The following ZNF652 variants were observed in gnomAD, a reference collection of about 807,000 sequenced individuals.
ZNF652 encodes the protein zinc finger protein 652.
A neutral mutation model predicts 45.2 loss-of-function variants in ZNF652; 16 were observed. The observed-to-expected ratio is 0.35, with a 90% CI of 0.24 to 0.54. The LOEUF is 0.54. Ranked by LOEUF, ZNF652 falls within the 20% of genes least tolerant of loss-of-function variation. The pLI is 0.91. For missense variants in ZNF652, 614 were observed against 765.6 expected, an observed-to-expected ratio of 0.80 and a Z score of 2.34; for synonymous variants, 250 against 260.6, an observed-to-expected ratio of 0.96 and a Z score of 0.39.
intron 5 of ZNF652, among the ~76,000 whole-genome samples, chr17:49,305,160 G>A (rs967551301): frequency 6.6e-6 from 1 of 151,924 alleles, no homozygotes; most frequent in Non-Finnish European, 1.5e-5. Flanking sequence ...TGATACTACT[G>A]ATATCCAATC....
chr17:49,302,703 T>G (rs1484456448), intron 5 of ZNF652, among the ~76,000 whole-genome samples: 1 of 152,168 alleles, frequency 6.6e-6, no homozygotes, highest in African/African-American at 2.4e-5. Context: ...GGCTCATGCC[T>G]GTAATCCCAG....
intron 1 of ZNF652, among the ~76,000 whole-genome samples, chr17:49,318,358 G>A (rs1251820041): frequency 2.0e-5 from 3 of 152,156 alleles, no homozygotes; most frequent in South Asian, 2.1e-4. Flanking sequence ...TTACAAGCAT[G>A]AGCCACCACG....
intron 1 of ZNF652, among the ~76,000 whole-genome samples, chr17:49,328,295 T>G (rs2411983): frequency 0.78 from 118,265 of 151,578 alleles, 46,334 homozygotes; most frequent in African/African-American, 0.85. Context: ...GATGGAGAAG[T>G]GGGAAGGTAA....
chr17:49,335,282 T>G (rs1043334999), intron 1 of ZNF652, among the ~76,000 whole-genome samples: 2 of 152,202 alleles, frequency 1.3e-5, no homozygotes, highest in African/African-American at 4.8e-5. Flanking sequence ...CTGGTCACAG[T>G]GCTGAGAATC....
rs752751225 is a variant in ZNF652, at chr17:49,342,885, A to AT, written c.-259+19023dup. Among the ~76,000 whole-genome samples, 1,018 of 142,056 alleles carry AT rather than the reference A, an allele frequency of 7.2e-3. 7 individuals are homozygous for AT. The highest frequency in any genetic ancestry group is 0.017 in the African/African-American group (671 of 38,860). The allele number at this position is 142,056 out of a possible 152,430, so 93.2% of individuals were successfully genotyped here. Reference sequence around the variant, plus strand: ...TATACAAAGGTTTTTTCCACATAGAATTTTTTTTTTTTTTTTGGCAGACTC... The same window carrying AT: ...TATACAAAGGTTTTTTCCACATAGAATTTTTTTTTTTTTTTTTGGCAGACTC... On this transcript the variant is annotated intron_variant, in intron 1 of 5. Transcript: ENST00000430262.
Position 49,298,581 on chromosome 17 carries a change from G to T in ZNF652, c.1653C>A (p.His551Gln). ...GTGGGTGGTGAGGGTGTGGGTGGAT[G>T]TGCAGGTGTGAGAAGGGGTGGGGGA... is the stretch of plus-strand genomic sequence containing the variant. ...RPIPHPFSHL[H>Q]IHPHPHHPHH... is the part of the protein sequence containing the mutation. The change falls in exon 6 of 6, where the codon CAC becomes CAA. Residue 551 changes from histidine (H) to glutamine (Q), a missense_variant. His to Gln is a conservative substitution (Grantham distance 24). Coordinates refer to ENST00000430262, the MANE Select transcript of ZNF652 (RefSeq NM_001145365.3). 1 of 1,611,768 alleles carries T rather than the reference G, an allele frequency of 6.2e-7. No homozygotes were observed. Among genetic ancestry groups the T allele is most frequent in the Non-Finnish European group, 8.5e-7 (1 of 1,179,076 alleles).
At chr17:49,338,332 T>A (rs192891413) in intron 1 of ZNF652, among the ~76,000 whole-genome samples, 1 of 152,276 alleles carries the variant, frequency 6.6e-6, no homozygotes, top group Admixed American at 6.5e-5. Flanking sequence ...CAACACCTTC[T>A]GCTAGATGTC....
At chr17:49,353,144 G>GT (rs1408861064) in intron 1 of ZNF652, among the ~76,000 whole-genome samples, 3 of 152,084 alleles carry the variant, frequency 2.0e-5, no homozygotes, top group Non-Finnish European at 4.4e-5. Flanking sequence ...TATTTACTCA[G>GT]TCTCTGGTTT....
chr17:49,324,734 C>CTTTTT (rs1185007907), intron 1 of ZNF652, among the ~76,000 whole-genome samples: 2 of 96,240 alleles, frequency 2.1e-5, no homozygotes, highest in African/African-American at 4.5e-5. Flanking sequence ...TGGGGTAGCA[C>CTTTTT]TTTTTTTTTT....
Position 49,292,172 on chromosome 17 carries a change from C to T in ZNF652, c.*6241G>A, listed in dbSNP as rs114991573. Among the ~76,000 whole-genome samples, 344 of 151,998 alleles carry T rather than the reference C, an allele frequency of 2.3e-3. 2 individuals are homozygous for T. The highest frequency in any genetic ancestry group is 7.8e-3 in the African/African-American group (322 of 41,500). On this transcript the variant is annotated 3_prime_UTR_variant, in exon 6 of 6. Transcript: ENST00000430262. ...AAATGCTCAACTCCAAGCTTTCATT[C>T]ACCTAAAAAAATGCAATCAAATCTC...
chr17:49,311,608 T>C, intron 4 of ZNF652, 152 bp from the exon 5 acceptor site: 1 of 855,670 alleles, frequency 1.2e-6, no homozygotes, highest in Non-Finnish European at 1.7e-6. Flanking sequence ...TTTCTGCAGG[T>C]GAGTTACTAA....
At chr17:49,307,751 CA>C (rs1236481689) in intron 5 of ZNF652, among the ~76,000 whole-genome samples, 3 of 151,866 alleles carry the variant, frequency 2.0e-5, no homozygotes, top group Non-Finnish European at 4.4e-5. Flanking sequence ...GACTCCATCT[CA>C]AAACAAACAA....
intron 1 of ZNF652, among the ~76,000 whole-genome samples, chr17:49,333,545 TAAAAAAAAAAA>T (rs1182199037): frequency 2.1e-5 from 1 of 48,114 alleles, no homozygotes; most frequent in African/African-American, 9.7e-5. Context: ...CTGTCTCTAC[TAAAAAAAAAAA>T]AAAAAAAAAA....
At chr17:49,347,744 T>TG (rs1239364776) in intron 1 of ZNF652, among the ~76,000 whole-genome samples, 4 of 135,442 alleles carry the variant, frequency 3.0e-5, no homozygotes, top group Admixed American at 7.2e-5. Context: ...GGTTTTGTTT[T>TG]TTTTTTTTTT....
chr17:49,313,120 T>TA (rs1370459219), intron 2 of ZNF652, among the ~76,000 whole-genome samples: 9 of 152,190 alleles, frequency 5.9e-5, no homozygotes, highest in Admixed American at 1.3e-4. Flanking sequence ...TCACTGCTAT[T>TA]ATGAAGTTAG....
intron 2 of ZNF652, among the ~76,000 whole-genome samples, chr17:49,315,744 C>A (rs2069794208): frequency 6.6e-6 from 1 of 152,182 alleles, no homozygotes; most frequent in Non-Finnish European, 1.5e-5. Flanking sequence ...GATATGGGCT[C>A]CATGACTCAG....
chr17:49,317,055 T>C lies in ZNF652; in HGVS notation c.671A>G (p.Lys224Arg). The change falls in exon 2 of 6, where the codon AAG (lysine) becomes AGG (arginine). Residue 224 changes from lysine to arginine, a missense_variant. By Grantham distance (26) the Lys-to-Arg change is conservative. Transcript: ENST00000430262. ...TGCTTTGGGCTCCTTTGTGGCCCGC[T>C]TCTTACGCTTAGGTGGCTCTACACT... is the stretch of plus-strand genomic sequence containing the variant. Reference protein sequence around the residue: ...RKSVEPPKRKKRATKEPKAPV... With the variant: ...RKSVEPPKRKRRATKEPKAPV... 6.2e-7 allele frequency: 1 copy of C among 1,614,108 alleles called. No homozygotes were observed. The highest frequency in any genetic ancestry group is 8.5e-7 in the Non-Finnish European group (1 of 1,180,024).
chr17:49,309,519 A>G (rs538421049), intron 5 of ZNF652, among the ~76,000 whole-genome samples: 47 of 151,584 alleles, frequency 3.1e-4, no homozygotes, highest in African/African-American at 9.9e-4. Context: ...GAAAAAAAAA[A>G]AAAGAAAGAA....
At chr17:49,347,722 A>AAATTG (rs1200381985) in intron 1 of ZNF652, among the ~76,000 whole-genome samples, 1 of 149,452 alleles carries the variant, frequency 6.7e-6, no homozygotes, top group Non-Finnish European at 1.5e-5. Context: ...CCTGCAAGAA[A>AAATTG]AATTGAACCT....
Sources: gnomAD v4.1 joint callset for allele counts (sites outside exome capture counted in the v4.1 genomes callset) on GRCh38, gnomAD v4.1.1 for gene constraint, MANE v1.5 for transcripts, NCBI Gene and HGNC (gene_info 2026-07-23, HGNC 2026-07-21) for gene names.